The following TTC28 variants were observed in gnomAD, a reference collection of about 807,000 sequenced individuals.
TTC28 encodes the protein tetratricopeptide repeat protein 28.
A neutral mutation model predicts 198.0 loss-of-function variants in TTC28; 61 were observed. The observed-to-expected ratio is 0.31, with a 90% confidence interval of 0.25 to 0.38. The LOEUF (loss-of-function observed/expected upper bound fraction) is 0.38. TTC28 is among the 10% of genes least tolerant of loss of function. The pLI is 1.00. For missense variants in TTC28, 2,678 were observed against 3,164.0 expected (o/e 0.85, Z 3.69); for synonymous variants, 1,171 against 1,297.8 (o/e 0.90, Z 2.10).
At chr22:28,313,925 T>G (rs2045309987) in intron 2 of TTC28, among the ~76,000 whole-genome samples, 1 of 152,128 alleles carries the variant, frequency 6.6e-6, no homozygotes, top group Non-Finnish European at 1.5e-5. Context: ...TCAAATTGTC[T>G]CTGTTTGCAG....
At chr22:28,128,770 G>T (rs1341592810) in intron 6 of TTC28, among the ~76,000 whole-genome samples, 1 of 152,050 alleles carries the variant, frequency 6.6e-6, no homozygotes, top group East Asian at 1.9e-4. Flanking sequence ...AAACTACTGG[G>T]CTCAAGCAAT....
chr22:28,542,777 T>G (rs1381715521), intron 2 of TTC28, among the ~76,000 whole-genome samples: 1 of 152,022 alleles, frequency 6.6e-6, no homozygotes, highest in Non-Finnish European at 1.5e-5. Flanking sequence ...CAGAATGCAG[T>G]TAAAGCAGTT....
intron 2 of TTC28, among the ~76,000 whole-genome samples, chr22:28,459,339 G>A (rs1206130981): frequency 6.6e-6 from 1 of 152,034 alleles, no homozygotes; most frequent in African/African-American, 2.4e-5. Context: ...GCTGAAGTGG[G>A]AGGATCACTT....
At chr22:28,640,722 C>T (rs1425425936) in intron 1 of TTC28, among the ~76,000 whole-genome samples, 2 of 152,040 alleles carry the variant, frequency 1.3e-5, no homozygotes, top group East Asian at 1.9e-4. Flanking sequence ...AGAGAAAATA[C>T]TCTTCAAAAC....
At chr22:28,424,756 T>C (rs2047321860) in intron 2 of TTC28, among the ~76,000 whole-genome samples, 1 of 152,220 alleles carries the variant, frequency 6.6e-6, no homozygotes, top group Non-Finnish European at 1.5e-5. Context: ...AATTTCCAGT[T>C]AGCCCCTATC....
At chr22:28,155,572 G>T (rs978535109) in intron 6 of TTC28, among the ~76,000 whole-genome samples, 8 of 152,198 alleles carry the variant, frequency 5.3e-5, no homozygotes, top group African/African-American at 1.9e-4. Flanking sequence ...TTCAAGTAAT[G>T]AATGGTATTT....
At chr22:28,608,088 T>C (rs894362429) in intron 2 of TTC28, among the ~76,000 whole-genome samples, 2 of 152,322 alleles carry the variant, frequency 1.3e-5, no homozygotes, top group South Asian at 2.1e-4. Flanking sequence ...ACCAACAAAC[T>C]GTACCAACAC....
At chr22:28,613,916 T>A (rs2050860050) in intron 2 of TTC28, among the ~76,000 whole-genome samples, 1 of 152,082 alleles carries the variant, frequency 6.6e-6, no homozygotes, top group African/African-American at 2.4e-5. Context: ...CCACTCCTAT[T>A]CAACACAGTA....
At chr22:28,061,335 G>T (rs1452399847) in intron 12 of TTC28, among the ~76,000 whole-genome samples, 1 of 152,194 alleles carries the variant, frequency 6.6e-6, no homozygotes, top group Non-Finnish European at 1.5e-5. Context: ...TTCTTCTAGG[G>T]TTTTTATGGT....
At position 28,452,305 on chromosome 22, in the gene TTC28, G is replaced by A. The variant is rs572277436; in HGVS notation, c.382-145662C>T. ...CCCAGGAGGCCGAGGCAGGAGAATC[G>A]CTTGAACCCAGGAGGCAGAGGTTTC... is the stretch of plus-strand genomic sequence containing the variant. On this transcript the variant is annotated intron_variant, in intron 2 of 22. Transcript: ENST00000397906. 5.0e-4 allele frequency among the ~76,000 whole-genome samples: 72 copies of A among 142,786 alleles called. 1 individual carries two copies. The East Asian group carries it at 0.012, about 23-fold the overall frequency. 93.7% of individuals were successfully genotyped at this position (142,786 alleles called of 152,430 possible).
intron 2 of TTC28, among the ~76,000 whole-genome samples, chr22:28,500,523 G>A (rs1008829250): frequency 1.5e-4 from 23 of 152,044 alleles, no homozygotes; most frequent in African/African-American, 5.1e-4. Flanking sequence ...TAATTACAGC[G>A]AGAAAATTAT....
intron 5 of TTC28, among the ~76,000 whole-genome samples, chr22:28,257,763 T>G (rs1420360201): frequency 2.4e-5 from 2 of 81,916 alleles, no homozygotes; most frequent in African/African-American, 8.5e-5. Context: ...TATATATATA[T>G]ATATATATAT....
intron 2 of TTC28, among the ~76,000 whole-genome samples, chr22:28,334,136 A>G (rs931836052): frequency 6.6e-6 from 1 of 151,944 alleles, no homozygotes; most frequent in Non-Finnish European, 1.5e-5. Flanking sequence ...TTTGCTGAGA[A>G]TGATGGTTTC....
At chr22:28,588,573 T>G (rs1369028990) in intron 2 of TTC28, among the ~76,000 whole-genome samples, 2 of 152,078 alleles carry the variant, frequency 1.3e-5, no homozygotes, top group Non-Finnish European at 2.9e-5. Context: ...ACAGAAAAAA[T>G]GCAGCTAAAA....
intron 1 of TTC28, among the ~76,000 whole-genome samples, chr22:28,654,130 G>C (rs549818940): frequency 2.7e-4 from 41 of 152,242 alleles, no homozygotes; most frequent in Admixed American, 1.9e-3. Context: ...ATTTGTCTTT[G>C]ATAAGCTGTA....
chr22:28,271,095 T>C (rs563168394), intron 5 of TTC28, among the ~76,000 whole-genome samples: 2 of 152,126 alleles, frequency 1.3e-5, no homozygotes, highest in Admixed American at 6.6e-5. Context: ...AAGACAATAT[T>C]CTTTGTGGTT....
chr22:28,316,577 A>G (rs1281780210), intron 2 of TTC28, among the ~76,000 whole-genome samples: 1 of 152,114 alleles, frequency 6.6e-6, no homozygotes, highest in Non-Finnish European at 1.5e-5. Context: ...CAGTTCATAA[A>G]CAGGCTATGT....
chr22:28,391,141 CT>C (rs1246797639), intron 2 of TTC28, among the ~76,000 whole-genome samples: 4 of 152,168 alleles, frequency 2.6e-5, no homozygotes, highest in Non-Finnish European at 4.4e-5. Context: ...GTTGAAAATT[CT>C]TTTCTTTAAG....
intron 5 of TTC28, among the ~76,000 whole-genome samples, chr22:28,240,030 C>T (rs1296472156): frequency 2.0e-5 from 3 of 152,218 alleles, no homozygotes; most frequent in Non-Finnish European, 4.4e-5. Flanking sequence ...TCCCTGACCT[C>T]TGTCCACTAG....
Sources: gnomAD v4.1 joint callset for allele counts (sites outside exome capture counted in the v4.1 genomes callset) on GRCh38, gnomAD v4.1.1 for gene constraint, MANE v1.5 for transcripts, NCBI Gene and HGNC (gene_info 2026-07-23, HGNC 2026-07-21) for gene names.